The following B3GAT2 variants were observed in gnomAD, a reference collection of about 807,000 sequenced individuals.
The protein encoded by B3GAT2 is beta-1,3-glucuronyltransferase 2.
Under a neutral mutation model 27.8 loss-of-function variants are expected in B3GAT2, and 26 were observed. That is an observed-to-expected ratio of 0.93 (90% CI 0.68 to 1.30). The LOEUF (loss-of-function observed/expected upper bound fraction) is 1.30. Among genes scored for constraint, B3GAT2 ranks in the 50% most tolerant of loss-of-function variants. The probability of loss-of-function intolerance (pLI) is 0.00; values close to 1 mark genes in which losing one functional copy is unlikely to be tolerated. For missense variants in B3GAT2, 458 were observed against 459.0 expected (o/e 1.00, Z 0.02); for synonymous variants, 218 against 195.1 (o/e 1.12, Z -0.98).
chr6:70,936,531 A>G (rs938678536), intron 1 of B3GAT2, among the ~76,000 whole-genome samples: 16 of 152,160 alleles, frequency 1.1e-4, no homozygotes, highest in African/African-American at 3.9e-4. Flanking sequence ...AATGTAAAAG[A>G]ACAGAAATTA....
chr6:70,937,355 C>G (rs1428706490), intron 1 of B3GAT2, among the ~76,000 whole-genome samples: 7 of 151,288 alleles, frequency 4.6e-5, no homozygotes, highest in Admixed American at 2.6e-4. Flanking sequence ...CCTTCTGAAA[C>G]TATTCCAATC....
chr6:70,921,914 C>G (rs769456308), intron 1 of B3GAT2, among the ~76,000 whole-genome samples: 16 of 152,166 alleles, frequency 1.1e-4, no homozygotes, highest in Non-Finnish European at 2.4e-4. Flanking sequence ...TGGGCTGGTA[C>G]TGGGCCCCCC....
At chr6:70,870,804 A>C (rs934799493) in intron 2 of B3GAT2, among the ~76,000 whole-genome samples, 1 of 152,122 alleles carries the variant, frequency 6.6e-6, no homozygotes, top group African/African-American at 2.4e-5. Context: ...TAGAGGGGTC[A>C]TCTTGTCTTA....
rs138315017 is a variant in B3GAT2, at chr6:70,925,245, C to G, written c.591+30594G>C. On this transcript the variant is annotated intron_variant, in intron 1 of 3. Transcript: ENST00000230053. Reference sequence around the variant, plus strand: ...GCATCTGCGTGAGTGACGCAGAAGACAGGAGATTTCTGCATTTCCAACTAA... The same window carrying G: ...GCATCTGCGTGAGTGACGCAGAAGAGAGGAGATTTCTGCATTTCCAACTAA... Among the ~76,000 whole-genome samples the G allele has an allele frequency of 4.9e-3, 743 of 152,350 alleles. 7 individuals carry two copies. Among genetic ancestry groups the G allele is most frequent in the African/African-American group, 0.015 (640 of 41,580 alleles).
At chr6:70,902,898 G>A (rs1032586999) in intron 1 of B3GAT2, among the ~76,000 whole-genome samples, 1 of 151,936 alleles carries the variant, frequency 6.6e-6, no homozygotes, top group African/African-American at 2.4e-5. Context: ...GGGAGTGAGG[G>A]GTGGCAGGGG....
intron 2 of B3GAT2, among the ~76,000 whole-genome samples, chr6:70,883,321 C>T (rs2150027302): frequency 1.3e-5 from 2 of 152,214 alleles, no homozygotes; most frequent in Middle Eastern, 6.8e-3. Context: ...GGAAACAACC[C>T]AAACGTCCAT....
chr6:70,896,365 C>A (rs1481415563), intron 1 of B3GAT2, among the ~76,000 whole-genome samples: 1 of 152,144 alleles, frequency 6.6e-6, no homozygotes, highest in Non-Finnish European at 1.5e-5. Context: ...AACCACCAAA[C>A]AGGGTTGTCT....
chr6:70,875,997 C>T (rs753170293), intron 2 of B3GAT2, among the ~76,000 whole-genome samples: 36 of 152,140 alleles, frequency 2.4e-4, no homozygotes, highest in South Asian at 2.1e-3. Flanking sequence ...TAACTGAATA[C>T]GGAAAATATC....
At chr6:70,870,564 AAG>A (rs1427605774) in intron 2 of B3GAT2, among the ~76,000 whole-genome samples, 45 of 152,242 alleles carry the variant, frequency 3.0e-4, no homozygotes, top group Admixed American at 9.8e-4. Flanking sequence ...AAGAAAAAAA[AAG>A]AGTTTTCCTT....
chr6:70,894,782 C>A (rs1296444014), intron 1 of B3GAT2, among the ~76,000 whole-genome samples: 1 of 152,152 alleles, frequency 6.6e-6, no homozygotes, highest in East Asian at 1.9e-4. Flanking sequence ...AGACCTGAAC[C>A]TGGCTTCTTC....
At chr6:70,943,031 C>T (rs1467044772) in intron 1 of B3GAT2, among the ~76,000 whole-genome samples, 1 of 152,164 alleles carries the variant, frequency 6.6e-6, no homozygotes, top group Non-Finnish European at 1.5e-5. Context: ...TCTCTTTCCA[C>T]AGGTGGAGGA....
At chr6:70,892,140 ATCT>A (rs939282341) in intron 2 of B3GAT2, among the ~76,000 whole-genome samples, 6 of 152,216 alleles carry the variant, frequency 3.9e-5, no homozygotes, top group African/African-American at 7.2e-5. Context: ...AATAATTCAT[ATCT>A]TATTATGATG....
chr6:70,919,522 C>A (rs542463771), intron 1 of B3GAT2, among the ~76,000 whole-genome samples: 3 of 152,154 alleles, frequency 2.0e-5, no homozygotes, highest in African/African-American at 7.2e-5. Flanking sequence ...CTGGTTTCTC[C>A]CCATCTTTGT....
At chr6:70,881,625 G>A (rs1313278848) in intron 2 of B3GAT2, among the ~76,000 whole-genome samples, 1 of 152,148 alleles carries the variant, frequency 6.6e-6, no homozygotes, top group Non-Finnish European at 1.5e-5. Context: ...TTAATGGGAG[G>A]AAACTGCCCA....
At chr6:70,952,779 G>A (rs893809875) in intron 1 of B3GAT2, among the ~76,000 whole-genome samples, 2 of 152,202 alleles carry the variant, frequency 1.3e-5, no homozygotes, top group Admixed American at 1.3e-4. Flanking sequence ...GGATTTGGCT[G>A]TTAACATAAG....
chr6:70,932,420 A>T (rs1225086958), intron 1 of B3GAT2, among the ~76,000 whole-genome samples: 28 of 152,234 alleles, frequency 1.8e-4, no homozygotes, highest in Non-Finnish European at 8.8e-5. Context: ...ATGAATGGAT[A>T]AGCAAAATGT....
At chr6:70,945,983 G>A (rs962968166) in intron 1 of B3GAT2, among the ~76,000 whole-genome samples, 2 of 151,908 alleles carry the variant, frequency 1.3e-5, no homozygotes, top group African/African-American at 4.8e-5. Context: ...AGCTTCATAA[G>A]TGAAGGAGAA....
At chr6:70,895,786 T>G (rs1772373302) in intron 1 of B3GAT2, among the ~76,000 whole-genome samples, 1 of 152,112 alleles carries the variant, frequency 6.6e-6, no homozygotes, top group Non-Finnish European at 1.5e-5. Flanking sequence ...ATTTTTTCAA[T>G]AAATGAACTG....
chr6:70,920,170 C>T (rs1297732830), intron 1 of B3GAT2, among the ~76,000 whole-genome samples: 1 of 152,174 alleles, frequency 6.6e-6, no homozygotes, highest in East Asian at 1.9e-4. Context: ...CATCCCAGGT[C>T]GATCTCAGAC....
Sources: gnomAD v4.1 joint callset for allele counts (sites outside exome capture counted in the v4.1 genomes callset) on GRCh38, gnomAD v4.1.1 for gene constraint, MANE v1.5 for transcripts, NCBI Gene and HGNC (gene_info 2026-07-23, HGNC 2026-07-21) for gene names.